FAM135B: variants seen among roughly 807,000 people sequenced by gnomAD.
FAM135B encodes the protein family with sequence similarity 135 member B.
A neutral mutation model predicts 127.7 loss-of-function variants in FAM135B; 43 were observed. That is an observed-to-expected ratio of 0.34 (90% CI 0.26 to 0.43). FAM135B has a LOEUF of 0.43. Among genes scored for constraint, FAM135B ranks in the 20% least tolerant of loss-of-function variants. The pLI, the probability that FAM135B is intolerant of heterozygous loss-of-function variation, is 1.00. For missense variants in FAM135B, 1,558 were observed against 1,725.6 expected (o/e 0.90, Z 1.72); for synonymous variants, 670 against 665.1 (o/e 1.01, Z -0.11).
chr8:138,477,722 C>G (rs1392412464), intron 1 of FAM135B, among the ~76,000 whole-genome samples: 1 of 152,156 alleles, frequency 6.6e-6, no homozygotes, highest in East Asian at 1.9e-4. Context: ...TCAGTGGTGG[C>G]CATGAGGGCC....
chr8:138,139,393 A>G (rs892791245), intron 17 of FAM135B, among the ~76,000 whole-genome samples: 1 of 152,224 alleles, frequency 6.6e-6, no homozygotes, highest in African/African-American at 2.4e-5. Flanking sequence ...GCCTAGGGTA[A>G]TAATTTTCAA....
intron 9 of FAM135B, among the ~76,000 whole-genome samples, chr8:138,180,154 A>G (rs1814872129): frequency 1.3e-5 from 2 of 152,160 alleles, no homozygotes; most frequent in Non-Finnish European, 2.9e-5. Flanking sequence ...GAGAGGTGAG[A>G]AGAGAGGTCA....
chr8:138,294,884 C>T (rs1046042212), intron 3 of FAM135B, among the ~76,000 whole-genome samples: 4 of 152,168 alleles, frequency 2.6e-5, no homozygotes. Flanking sequence ...TCTGCATCTG[C>T]AAGTTTCCCA....
At position 138,409,275 on chromosome 8, in the gene FAM135B, G is replaced by A. The variant is rs191486647; in HGVS notation, c.-19-41273C>T. Reference sequence around the variant, plus strand: ...AGAGGAGAAAGATGGGGGAAGGGCCGGTAGGTGGAGCAGTCAGAACACACA... The same window carrying A: ...AGAGGAGAAAGATGGGGGAAGGGCCAGTAGGTGGAGCAGTCAGAACACACA... On this transcript the variant is annotated intron_variant, in intron 1 of 19. Coordinates refer to ENST00000395297, the MANE Select transcript of FAM135B (RefSeq NM_015912.4). Among the ~76,000 whole-genome samples the A allele has an allele frequency of 3.9e-5, 6 of 152,186 alleles. No homozygotes were observed. In the East Asian group the frequency reaches 5.8e-4, roughly 15 times the overall value.
At chr8:138,282,264 G>C (rs1475097167) in intron 3 of FAM135B, among the ~76,000 whole-genome samples, 2 of 152,088 alleles carry the variant, frequency 1.3e-5, no homozygotes, top group Non-Finnish European at 2.9e-5. Context: ...CTTGGGTCTG[G>C]TAATGAGTTT....
Position 138,132,629 on chromosome 8 carries a change from C to G in FAM135B, c.4185G>C (p.Lys1395Asn), listed in dbSNP as rs1176765093. 1 of 1,614,224 alleles carries G rather than the reference C, an allele frequency of 6.2e-7. No homozygotes were observed. Among genetic ancestry groups the G allele is most frequent in the Non-Finnish European group, 8.5e-7 (1 of 1,180,052 alleles). Residue 1395 changes from lysine to asparagine, a missense_variant, in exon 20 of 20, where the codon AAG (lysine) becomes AAC (asparagine). Around this residue, in one of 5 missense-constraint regions of FAM135B, gnomAD observed 194 missense variants for 333.8 expected, o/e 0.58. Transcript: ENST00000395297. The surrounding 1 kb of genome is among the most constrained non-coding windows in gnomAD (Gnocchi z 4.5). ...AGTTGAGTCCTGCCACCAAGAAAAA[C>G]TTCTCCAGGAAGAGTTCTGAATCCA... is the stretch of plus-strand genomic sequence containing the variant. Reference protein sequence around the residue: ...AVLDSELFLEKFFLVAGLNYF... With the variant: ...AVLDSELFLENFFLVAGLNYF...
At chr8:138,159,872 T>G (rs1819186576) in intron 12 of FAM135B, among the ~76,000 whole-genome samples, 1 of 152,146 alleles carries the variant, frequency 6.6e-6, no homozygotes, top group Non-Finnish European at 1.5e-5. Context: ...TCTTGATAAT[T>G]TATGCTAACC....
At chr8:138,459,432 C>T (rs1836993528) in intron 1 of FAM135B, 1 of 152,180 alleles carries the variant, frequency 6.6e-6, no homozygotes, top group South Asian at 2.1e-4. Context: ...TTCAAAAAAT[C>T]CTCCATGTCC....
chr8:138,233,829 C>CAAAT (rs1334556870), intron 7 of FAM135B, among the ~76,000 whole-genome samples: 9 of 151,874 alleles, frequency 5.9e-5, no homozygotes, highest in African/African-American at 2.4e-5. Flanking sequence ...ACAACAACAA[C>CAAAT]AAATAAATAA....
chr8:138,471,435 G>C (rs978047611), intron 1 of FAM135B, among the ~76,000 whole-genome samples: 2 of 152,178 alleles, frequency 1.3e-5, no homozygotes, highest in Non-Finnish European at 2.9e-5. Flanking sequence ...GATGAAGATG[G>C]AGGAAGATTA....
intron 7 of FAM135B, among the ~76,000 whole-genome samples, chr8:138,216,633 T>C (rs931127760): frequency 2.6e-5 from 4 of 152,162 alleles, no homozygotes; most frequent in African/African-American, 9.7e-5. Flanking sequence ...ATTTGGGCAA[T>C]AAATACCTGA....
chr8:138,154,036 C>T (rs1419719297), intron 12 of FAM135B, among the ~76,000 whole-genome samples: 1 of 152,182 alleles, frequency 6.6e-6, no homozygotes, highest in Non-Finnish European at 1.5e-5. Context: ...AGACACCTCC[C>T]AGTAGGCACT....
intron 3 of FAM135B, among the ~76,000 whole-genome samples, chr8:138,280,781 G>C (rs1366564324): frequency 1.3e-5 from 2 of 152,282 alleles, no homozygotes; most frequent in African/African-American, 4.8e-5. Context: ...CAAGGGAGGA[G>C]AGCACTAGGA....
At chr8:138,313,059 T>A (rs1312550284) in intron 2 of FAM135B, among the ~76,000 whole-genome samples, 1 of 152,230 alleles carries the variant, frequency 6.6e-6, no homozygotes, top group Non-Finnish European at 1.5e-5. Flanking sequence ...AAACTATTAA[T>A]AACTCAAACT....
intron 1 of FAM135B, among the ~76,000 whole-genome samples, chr8:138,418,695 C>T (rs1310524943): frequency 6.6e-6 from 1 of 152,084 alleles, no homozygotes; most frequent in East Asian, 1.9e-4. Context: ...TCTAGCAAAG[C>T]TAAGCTTCGT....
At chr8:138,147,523 C>T (rs996643585) in intron 14 of FAM135B, among the ~76,000 whole-genome samples, 2 of 152,174 alleles carry the variant, frequency 1.3e-5, no homozygotes, top group African/African-American at 4.8e-5. Context: ...CAATGTGCTC[C>T]GCTCTCTGTT....
chr8:138,338,374 A>G (rs1828776459), intron 2 of FAM135B, among the ~76,000 whole-genome samples: 4 of 152,142 alleles, frequency 2.6e-5, no homozygotes, highest in Admixed American at 2.6e-4. Context: ...ACAAAGGGCT[A>G]ATACCCAGAA....
At chr8:138,142,967 T>TC (rs757743021) in intron 16 of FAM135B, 45 bp downstream of exon 16, 5 of 985,498 alleles carry the variant, frequency 5.1e-6, no homozygotes, top group Non-Finnish European at 8.2e-6. Context: ...CTCAAAAATG[T>TC]CCCCCCTCTT....
intron 2 of FAM135B, among the ~76,000 whole-genome samples, chr8:138,366,923 G>A (rs1830777497): frequency 6.6e-6 from 1 of 152,012 alleles, no homozygotes; most frequent in Non-Finnish European, 1.5e-5. Context: ...TTCCCCTCTT[G>A]ATAGCCCAAG....
Sources: allele counts gnomAD v4.1 joint callset (sites outside exome capture counted in the v4.1 genomes callset), GRCh38; gene constraint gnomAD v4.1.1; regional missense constraint gnomAD v4.1.1; non-coding constraint Gnocchi (gnomAD v3.1); transcripts MANE v1.5; gene names NCBI Gene and HGNC (gene_info 2026-07-23, HGNC 2026-07-21).